CDK5RAP2: variants seen among roughly 807,000 people sequenced by gnomAD.
The protein encoded by CDK5RAP2 is CDK5 regulatory subunit-associated protein 2.
A neutral mutation model predicts 232.9 loss-of-function variants in CDK5RAP2; 147 were observed. The observed-to-expected ratio is 0.63, with a 90% CI of 0.55 to 0.72. The LOEUF (loss-of-function observed/expected upper bound fraction) is 0.72, where lower values mean the gene tolerates loss of function less well. Ranked by LOEUF, CDK5RAP2 falls within the 30% of genes least tolerant of loss-of-function variation. CDK5RAP2 has a pLI of 0.00. For missense variants in CDK5RAP2, 2,195 were observed against 2,231.5 expected, an observed-to-expected ratio of 0.98 and a Z score of 0.33; for synonymous variants, 833 against 833.7, an observed-to-expected ratio of 1.00 and a Z score of 0.01.
intron 25 of CDK5RAP2, among the ~76,000 whole-genome samples, chr9:120,423,311 G>C (rs573506141): frequency 6.6e-6 from 1 of 152,078 alleles, no homozygotes; most frequent in African/African-American, 2.4e-5. Flanking sequence ...TTGACACTTA[G>C]GTCATTTGCA....
chr9:120,487,293 C>T lies in CDK5RAP2; in HGVS notation c.1626+1G>A. The T allele has an allele frequency of 6.2e-7, 1 of 1,614,048 alleles. No homozygotes were observed. The highest frequency in any genetic ancestry group is 1.1e-5 in the South Asian group (1 of 91,086). On this transcript the variant is annotated splice_donor_variant, in intron 14 of 37. Coordinates refer to ENST00000349780, the MANE Select transcript of CDK5RAP2 (RefSeq NM_018249.6). LOFTEE classifies it high-confidence loss of function. ...GAATGTCCAATTTCAGTCAAGCTTA[C>T]CTTAGAGAAGATGGTTTTGCTGCCT...
intron 3 of CDK5RAP2, among the ~76,000 whole-genome samples, chr9:120,551,429 C>T (rs750016873): frequency 6.6e-6 from 1 of 152,112 alleles, no homozygotes; most frequent in Non-Finnish European, 1.5e-5. Flanking sequence ...AGGAAACTTG[C>T]GAACACCATC....
Position 120,451,895 on chromosome 9 carries a change from CAG to C in CDK5RAP2, c.2793+1559_2793+1560del, listed in dbSNP as rs543450575. ...TATATATAATATATATACAGACAAA[CAG>C]AGAGTATCTAGCACAATCCCTAATA... On this transcript the variant is annotated intron_variant, in intron 21 of 37. Transcript: ENST00000349780. Among the ~76,000 whole-genome samples the C allele has an allele frequency of 1.3e-3, 193 of 147,806 alleles. 1 individual carries two copies. The highest frequency in any genetic ancestry group is 4.3e-3 in the African/African-American group (173 of 40,646).
Position 120,439,732 on chromosome 9 carries a change from A to G in CDK5RAP2, c.3389T>C (p.Ile1130Thr). ...CTGGGAGTGCTTTTGAAGCTGAAAT[A>G]TGAAATTCTGGTAGCCTTCCAGCTC... is the stretch of plus-strand genomic sequence containing the variant. ...ETELEGYQNF[I>T]FQLQKHSQCS... The change falls in exon 24 of 38, where the codon ATA becomes ACA. Residue 1130 changes from isoleucine (I) to threonine (T), a missense_variant. Ile to Thr is a moderately conservative substitution (Grantham distance 89). Coordinates refer to ENST00000349780, the MANE Select transcript of CDK5RAP2 (RefSeq NM_018249.6). 1.9e-6 allele frequency: 3 copies of G among 1,614,240 alleles called. No individual in the cohort carries two copies. Among genetic ancestry groups the G allele is most frequent in the Non-Finnish European group, 2.5e-6 (3 of 1,180,038 alleles).
chr9:120,475,445 C>A (rs1486807551), intron 15 of CDK5RAP2, among the ~76,000 whole-genome samples: 2 of 152,160 alleles, frequency 1.3e-5, no homozygotes, highest in African/African-American at 4.8e-5. Context: ...GACTCAGGAG[C>A]AACCATATCC....
At position 120,433,914 on chromosome 9, in the gene CDK5RAP2, G is replaced by A. The variant is rs934125616; in HGVS notation, c.3955+3381C>T. ...TTCATTCTCTCAAAATATGTGTTAC[G>A]TGTCCACCATACATCAAACGTTATC... On this transcript the variant is annotated intron_variant, in intron 25 of 37. Coordinates refer to ENST00000349780, the MANE Select transcript of CDK5RAP2 (RefSeq NM_018249.6). Among the ~76,000 whole-genome samples the A allele has an allele frequency of 2.6e-5, 4 of 152,192 alleles. No homozygotes were observed. In the South Asian group the frequency reaches 6.2e-4, roughly 24 times the overall value.
chr9:120,517,537 G>C (rs114007096), intron 12 of CDK5RAP2, among the ~76,000 whole-genome samples: 72 of 152,222 alleles, frequency 4.7e-4, no homozygotes, highest in African/African-American at 1.5e-3. Context: ...TCTCAGGAGG[G>C]ATTAAATTAA....
chr9:120,403,146 C>T lies in CDK5RAP2; in HGVS notation c.5042-75G>A. 6.5e-7 allele frequency: 1 copy of T among 1,530,276 alleles called. No individual in the cohort carries two copies. Among genetic ancestry groups the T allele is most frequent in the Non-Finnish European group, 9.0e-7 (1 of 1,107,430 alleles). The allele number at this position is 1,530,276 out of a possible 1,614,324, so 94.8% of individuals were successfully genotyped here. On this transcript the variant is annotated intron_variant, in intron 33 of 37. Coordinates refer to ENST00000349780, the MANE Select transcript of CDK5RAP2 (RefSeq NM_018249.6). The surrounding 1 kb of genome is among the most constrained non-coding windows in gnomAD (Gnocchi z 4.2). ...GTTCAAGACGCTTATGATGTTGAAG[C>T]TAGCTAGGAGGGCTAGAAGAGGCCC... is the stretch of plus-strand genomic sequence containing the variant.
intron 17 of CDK5RAP2, among the ~76,000 whole-genome samples, chr9:120,469,394 C>A (rs981924146): frequency 6.6e-6 from 1 of 152,192 alleles, no homozygotes; most frequent in African/African-American, 2.4e-5. Context: ...AACCTTGCAC[C>A]TCATACTGCA....
intron 4 of CDK5RAP2, among the ~76,000 whole-genome samples, chr9:120,549,683 G>C (rs1427621654): frequency 6.6e-6 from 1 of 152,152 alleles, no homozygotes; most frequent in Non-Finnish European, 1.5e-5. Context: ...TGATAGAGTT[G>C]GCAACAGACA....
intron 1 of CDK5RAP2, 123 bp from the exon 2 acceptor site, chr9:120,572,164 C>T (rs772238000): frequency 1.4e-5 from 11 of 791,520 alleles, no homozygotes; most frequent in Admixed American, 1.9e-5. Flanking sequence ...GCTGGGCTAC[C>T]TATGTGGCAT....
chr9:120,415,900 A>G (rs1435497291), intron 27 of CDK5RAP2, among the ~76,000 whole-genome samples: 1 of 152,210 alleles, frequency 6.6e-6, no homozygotes, highest in African/African-American at 2.4e-5. Context: ...AGTAACTCCA[A>G]ATGTAACTGT....
chr9:120,421,186 A>G (rs2034547432), intron 26 of CDK5RAP2, among the ~76,000 whole-genome samples: 2 of 152,148 alleles, frequency 1.3e-5, no homozygotes, highest in Admixed American at 1.3e-4. Flanking sequence ...TGTGCCAGCT[A>G]CATGCTCAAA....
intron 1 of CDK5RAP2, among the ~76,000 whole-genome samples, chr9:120,576,305 G>A (rs560113827): frequency 2.6e-5 from 4 of 152,322 alleles, no homozygotes; most frequent in African/African-American, 4.8e-5. Context: ...TTTTTTAAAT[G>A]GACGATGGAT....
At chr9:120,414,779 TA>T (rs754297343) in intron 28 of CDK5RAP2, among the ~76,000 whole-genome samples, 1 of 152,250 alleles carries the variant, frequency 6.6e-6, no homozygotes, top group Non-Finnish European at 1.5e-5. Flanking sequence ...AAAATGCTGA[TA>T]TTTTTATAAT....
chr9:120,553,188 G>T (rs1251098758), intron 3 of CDK5RAP2, among the ~76,000 whole-genome samples: 1 of 152,174 alleles, frequency 6.6e-6, no homozygotes, highest in Non-Finnish European at 1.5e-5. Context: ...CACGCCAGTA[G>T]GGGAAGAGCT....
intron 22 of CDK5RAP2, among the ~76,000 whole-genome samples, chr9:120,444,254 A>G (rs1175676721): frequency 1.3e-5 from 2 of 152,244 alleles, no homozygotes; most frequent in Non-Finnish European, 2.9e-5. Flanking sequence ...ATCTCTACAA[A>G]ATATAAAAAA....
chr9:120,579,209 A>T (rs1339467611), intron 1 of CDK5RAP2, among the ~76,000 whole-genome samples: 1 of 152,244 alleles, frequency 6.6e-6, no homozygotes, highest in Non-Finnish European at 1.5e-5. Flanking sequence ...GACAGTAGTA[A>T]TAATGACACT....
chr9:120,566,238 G>A (rs2042642413), intron 3 of CDK5RAP2, among the ~76,000 whole-genome samples: 1 of 152,126 alleles, frequency 6.6e-6, no homozygotes, highest in African/African-American at 2.4e-5. Flanking sequence ...TGTAACTCAG[G>A]CCAAATGAAA....
Sources: gnomAD v4.1 joint callset for allele counts (sites outside exome capture counted in the v4.1 genomes callset) on GRCh38, gnomAD v4.1.1 for gene constraint, Gnocchi (gnomAD v3.1) non-coding constraint, MANE v1.5 for transcripts, NCBI Gene and HGNC (gene_info 2026-07-23, HGNC 2026-07-21) for gene names.